KSR2: variants seen among roughly 807,000 people sequenced by gnomAD.
KSR2 encodes kinase suppressor of ras 2.
Under a neutral mutation model 107.8 loss-of-function variants are expected in KSR2, and 25 were observed. That is an observed-to-expected ratio of 0.23 (90% CI 0.17 to 0.32). KSR2 has a LOEUF of 0.32. Among genes scored for constraint, KSR2 ranks in the 10% least tolerant of loss-of-function variants. KSR2 has a pLI of 1.00. For missense variants in KSR2, 887 were observed against 1,268.9 expected (o/e 0.70, Z 4.57); for synonymous variants, 480 against 507.0 (o/e 0.95, Z 0.71).
intron 4 of KSR2, among the ~76,000 whole-genome samples, chr12:117,696,099 G>A (rs1886047816): frequency 6.6e-6 from 1 of 152,126 alleles, no homozygotes; most frequent in South Asian, 2.1e-4. Context: ...AGAGGTTCAG[G>A]ACTCCCCAAG....
At chr12:117,562,829 G>A (rs1297341665) in intron 7 of KSR2, among the ~76,000 whole-genome samples, 1 of 152,140 alleles carries the variant, frequency 6.6e-6, no homozygotes, top group African/African-American at 2.4e-5. Context: ...GGCAGCATTA[G>A]CAGTGGAAAC....
intron 5 of KSR2, among the ~76,000 whole-genome samples, chr12:117,640,243 T>TC (rs1174091587): frequency 4.0e-5 from 2 of 50,464 alleles, no homozygotes; most frequent in Non-Finnish European, 1.8e-4. Flanking sequence ...TTTTTTTTTC[T>TC]TTTTTTTGAG....
chr12:117,810,535 AC>A (rs1404991223), intron 3 of KSR2, among the ~76,000 whole-genome samples: 4 of 151,864 alleles, frequency 2.6e-5, no homozygotes, highest in Non-Finnish European at 5.9e-5. Context: ...CTGGTCTCAA[AC>A]CCCTGGGCTC....
intron 5 of KSR2, among the ~76,000 whole-genome samples, chr12:117,592,894 T>C (rs952420133): frequency 1.3e-5 from 2 of 151,546 alleles, no homozygotes; most frequent in Admixed American, 1.3e-4. Flanking sequence ...GAGAGGGGAG[T>C]GTCATTAATT....
At chr12:117,852,007 C>T (rs1222813959) in intron 3 of KSR2, among the ~76,000 whole-genome samples, 2 of 151,828 alleles carry the variant, frequency 1.3e-5, no homozygotes, top group African/African-American at 2.4e-5. Flanking sequence ...TTTCATGAAA[C>T]ATGCTATAAT....
At chr12:117,722,422 G>C (rs556763158) in intron 4 of KSR2, among the ~76,000 whole-genome samples, 4 of 152,260 alleles carry the variant, frequency 2.6e-5, no homozygotes, top group Non-Finnish European at 4.4e-5. Flanking sequence ...TGAGATAGAA[G>C]GTCAGCACAA....
rs188291891 is a variant in KSR2 at position 117,653,679 on chromosome 12, C to T, written c.1171+13795G>A. Among the ~76,000 whole-genome samples, 233 of 152,320 alleles carry T rather than the reference C, an allele frequency of 1.5e-3. 1 individual carries two copies. The highest frequency in any genetic ancestry group is 5.4e-3 in the African/African-American group (223 of 41,562). On this transcript the variant is annotated intron_variant, in intron 5 of 19. Transcript: ENST00000339824. ...TGGTGTGGGACCTGTCGAGATATTC[C>T]TTTTAAGGTAAAGGATAAGTTGCTG...
chr12:117,560,924 C>T (rs1878071905), intron 7 of KSR2, among the ~76,000 whole-genome samples: 1 of 152,180 alleles, frequency 6.6e-6, no homozygotes, highest in South Asian at 2.1e-4. Flanking sequence ...CAACAAGAGG[C>T]TGGTGCCATA....
chr12:117,481,026 C>T (rs1872144237), intron 16 of KSR2, among the ~76,000 whole-genome samples: 1 of 151,994 alleles, frequency 6.6e-6, no homozygotes, highest in Admixed American at 6.5e-5. Flanking sequence ...TGCACTACTG[C>T]ATTCCAGCCT....
intron 7 of KSR2, among the ~76,000 whole-genome samples, chr12:117,570,096 A>G (rs906408674): frequency 2.7e-5 from 4 of 149,936 alleles, no homozygotes; most frequent in Admixed American, 1.3e-4. Context: ...TCCGCCTCCC[A>G]GGTTCACGCC....
intron 14 of KSR2, among the ~76,000 whole-genome samples, chr12:117,512,796 C>T (rs1874112696): frequency 6.6e-6 from 1 of 152,180 alleles, no homozygotes; most frequent in African/African-American, 2.4e-5. Flanking sequence ...CTGAGCCTAA[C>T]TTCAGTATCC....
chr12:117,918,788 CAA>C (rs1423434186), intron 1 of KSR2, among the ~76,000 whole-genome samples: 26 of 106,442 alleles, frequency 2.4e-4, no homozygotes, highest in Admixed American at 3.0e-4. Flanking sequence ...AACTCCGTCT[CAA>C]AAAAAAAAAA....
intron 3 of KSR2, among the ~76,000 whole-genome samples, chr12:117,853,728 T>G (rs1308967714): frequency 2.0e-5 from 3 of 152,088 alleles, no homozygotes; most frequent in Non-Finnish European, 4.4e-5. Flanking sequence ...AGATTTTGTA[T>G]GTACTGAGTG....
chr12:117,792,861 GCA>G (rs561455474), intron 3 of KSR2, among the ~76,000 whole-genome samples: 89 of 152,232 alleles, frequency 5.8e-4, no homozygotes, highest in African/African-American at 2.0e-3. Flanking sequence ...TGCATTGTGT[GCA>G]CACACACCAA....
At chr12:117,966,977 CG>C (rs1216542167) in intron 1 of KSR2, among the ~76,000 whole-genome samples, 1 of 152,118 alleles carries the variant, frequency 6.6e-6, no homozygotes, top group Non-Finnish European at 1.5e-5. Flanking sequence ...CCACCCTCGG[CG>C]GATGCCAGCT....
At chr12:117,627,526 G>A (rs897388386) in intron 5 of KSR2, among the ~76,000 whole-genome samples, 1 of 152,170 alleles carries the variant, frequency 6.6e-6, no homozygotes, top group East Asian at 1.9e-4. Flanking sequence ...TTGAACATTG[G>A]CCCCCACTCT....
intron 1 of KSR2, among the ~76,000 whole-genome samples, chr12:117,945,703 T>C (rs1034227844): frequency 6.6e-6 from 1 of 151,864 alleles, no homozygotes; most frequent in African/African-American, 2.4e-5. Context: ...ATAATAATAA[T>C]TGAATTAAAC....
At chr12:117,677,400 G>A (rs1173733106) in intron 4 of KSR2, 1 of 152,232 alleles carries the variant, frequency 6.6e-6, no homozygotes, top group Non-Finnish European at 1.5e-5. Context: ...ATGTATAGAA[G>A]CCGCCATGTA....
chr12:117,757,255 G>A (rs576197566), intron 4 of KSR2, among the ~76,000 whole-genome samples: 1 of 152,254 alleles, frequency 6.6e-6, no homozygotes, highest in South Asian at 2.1e-4. Context: ...AACAGCAAGA[G>A]AACTAGAATT....
Sources: gnomAD v4.1 joint callset for allele counts (sites outside exome capture counted in the v4.1 genomes callset) on GRCh38, gnomAD v4.1.1 for gene constraint, MANE v1.5 for transcripts, NCBI Gene and HGNC (gene_info 2026-07-23, HGNC 2026-07-21) for gene names.